ZNF778: variants seen among roughly 807,000 people sequenced by gnomAD.
ZNF778 encodes the protein zinc finger protein 778.
Under a neutral mutation model 23.9 loss-of-function variants are expected in ZNF778, and 37 were observed. The observed-to-expected ratio is 1.54, with a 90% CI of 1.19 to 2.03. The LOEUF is 2.03. ZNF778 is among the 30% of genes most tolerant of loss of function. The pLI, the probability that ZNF778 is intolerant of heterozygous loss-of-function variation, is 0.00. For synonymous variants in ZNF778, 483 were observed against 343.9 expected (o/e 1.40, Z -4.48); for missense variants, 1,297 against 934.4 (o/e 1.39, Z -5.06).
At position 89,227,842 on chromosome 16, in the gene ZNF778, A is replaced by G; in HGVS notation, c.1554A>G (p.Ser518=). ...KQCGKAFTGR[S]GLTKHMRTHT... is the part of the protein sequence containing the mutation. Reference sequence around the variant, plus strand: ...GTGGCAAAGCCTTCACAGGGCGCTCAGGCCTCACTAAACACATGCGGACAC... The same window carrying G: ...GTGGCAAAGCCTTCACAGGGCGCTCGGGCCTCACTAAACACATGCGGACAC... Residue 518 remains serine, a synonymous_variant, in exon 7 of 7, where the codon TCA becomes TCG. Transcript: ENST00000433976. The G allele has an allele frequency of 1.2e-6, 2 of 1,614,062 alleles. No homozygotes were observed. The highest frequency in any genetic ancestry group is 1.7e-6 in the Non-Finnish European group (2 of 1,179,998).
Position 89,229,503 on chromosome 16 carries a change from C to A in ZNF778, c.*941C>A. 5 of 967,614 alleles carry A rather than the reference C, an allele frequency of 5.2e-6. 1 individual carries two copies. The highest frequency in any genetic ancestry group is 6.1e-6 in the Non-Finnish European group (5 of 825,992). The allele number at this position is 967,614 out of a possible 1,614,324, so 59.9% of individuals were successfully genotyped here. ...GCTCTGGTTGGTTAGTCTTGAGGAT[C>A]CAGATGTGATTCTGTGAGCAGCATA... On this transcript the variant is annotated 3_prime_UTR_variant, in exon 7 of 7. Transcript: ENST00000433976.
At position 89,226,861 on chromosome 16, in the gene ZNF778, C is replaced by A; in HGVS notation, c.573C>A (p.Phe191Leu). The change falls in exon 7 of 7, where the codon TTC (phenylalanine) becomes TTA (leucine). Residue 191 changes from phenylalanine (F) to leucine (L), a missense_variant. By Grantham distance (22) the Phe-to-Leu change is conservative. Transcript: ENST00000433976. Reference sequence around the variant, plus strand: ...TTATTCCATGCCAGAAAACCTTGTTCAAAATTGGAGAGCAGTTTTCCGTGT... The same window carrying A: ...TTATTCCATGCCAGAAAACCTTGTTAAAAATTGGAGAGCAGTTTTCCGTGT... ...DFFIPCQKTL[F>L]KIGEQFSVLG... 1 of 1,614,002 alleles carries A rather than the reference C, an allele frequency of 6.2e-7. No homozygotes were observed. The highest frequency in any genetic ancestry group is 2.2e-5 in the East Asian group (1 of 44,884).
intron 1 of ZNF778, among the ~76,000 whole-genome samples, chr16:89,218,797 T>A (rs1352167750): frequency 1.1e-4 from 14 of 125,894 alleles, no homozygotes; most frequent in African/African-American, 3.0e-4. Context: ...TCTCAAAAAA[T>A]AATAATAATA....
intron 6 of ZNF778, among the ~76,000 whole-genome samples, chr16:89,226,394 G>C (rs748048651): frequency 6.6e-6 from 1 of 152,052 alleles, no homozygotes; most frequent in Non-Finnish European, 1.5e-5. Context: ...TAATAGAGAC[G>C]GGGTTTCTCC....
intron 4 of ZNF778, among the ~76,000 whole-genome samples, chr16:89,224,257 G>A (rs1357682591): frequency 6.6e-6 from 1 of 151,912 alleles, no homozygotes; most frequent in Admixed American, 6.5e-5. Flanking sequence ...GATGCTGGAC[G>A]CAGTGGCTCA....
In ZNF778 at chr16:89,229,510, T is replaced by G; in HGVS notation, c.*948T>G. Reference sequence around the variant, plus strand: ...TTGGTTAGTCTTGAGGATCCAGATGTGATTCTGTGAGCAGCATAGGCTCTG... The same window carrying G: ...TTGGTTAGTCTTGAGGATCCAGATGGGATTCTGTGAGCAGCATAGGCTCTG... On this transcript the variant is annotated 3_prime_UTR_variant, in exon 7 of 7. Transcript: ENST00000433976. 2.1e-6 allele frequency: 2 copies of G among 970,994 alleles called. No homozygotes were observed. Among genetic ancestry groups the G allele is most frequent in the Non-Finnish European group, 2.4e-6 (2 of 826,280 alleles). The allele number at this position is 970,994 out of a possible 1,614,324, so 60.1% of individuals were successfully genotyped here.
intron 6 of ZNF778, 118 bp downstream of exon 6, chr16:89,225,749 G>C (rs775582213): frequency 6.5e-6 from 6 of 927,880 alleles, no homozygotes; most frequent in Non-Finnish European, 9.8e-6. Flanking sequence ...TCAGGCAGGG[G>C]TTGTCTGTAG....
chr16:89,228,686 C>T lies in ZNF778; in HGVS notation c.*124C>T, dbSNP rs977289151. On this transcript the variant is annotated 3_prime_UTR_variant, in exon 7 of 7. Coordinates refer to ENST00000433976, the MANE Select transcript of ZNF778 (RefSeq NM_001201407.2). ...AGGCAATCAGCATCTCATCACAACC[C>T]GGCAGGCAGGAACTCACCCTGGAGC... 7.2e-5 allele frequency: 106 copies of T among 1,476,618 alleles called. No homozygotes were observed. The highest frequency in any genetic ancestry group is 8.2e-5 in the Non-Finnish European group (92 of 1,118,834). The allele number at this position is 1,476,618 out of a possible 1,614,324, so 91.5% of individuals were successfully genotyped here.
chr16:89,236,463 C>T lies in ZNF778; in HGVS notation c.*7901C>T, dbSNP rs1311557593. ...ATGAGGCAATACAAAGAATTGCCTG[C>T]AGACCTGGTTTAAATAAATGGTTAC... On this transcript the variant is annotated 3_prime_UTR_variant, in exon 7 of 7. Transcript: ENST00000433976. 1.3e-5 allele frequency: 2 copies of T among 152,158 alleles called. No homozygotes were observed. Among genetic ancestry groups the T allele is most frequent in the Non-Finnish European group, 2.9e-5 (2 of 68,030 alleles). 9.4% of individuals were successfully genotyped at this position (152,158 alleles called of 1,614,324 possible).
intron 3 of ZNF778, 86 bp from the exon 4 acceptor site, chr16:89,223,071 A>T: frequency 6.7e-7 from 1 of 1,495,934 alleles, no homozygotes; most frequent in Non-Finnish European, 9.0e-7. Context: ...TCACAGTCCC[A>T]TAGGCGTAGG....
chr16:89,232,630 T>C lies in ZNF778; in HGVS notation c.*4068T>C. 1 of 1,172,932 alleles carries C rather than the reference T, an allele frequency of 8.5e-7. No homozygotes were observed. The allele number at this position is 1,172,932 out of a possible 1,614,324, so 72.7% of individuals were successfully genotyped here. A position where few individuals can be genotyped will look rare whatever the true frequency, so the allele number is the denominator to read the frequency against. Reference sequence around the variant, plus strand: ...TAAGATAAAATATTAAAGGACCAATTGTATTAATTATGTTTTTTTTTTTTT... The same window carrying C: ...TAAGATAAAATATTAAAGGACCAATCGTATTAATTATGTTTTTTTTTTTTT... On this transcript the variant is annotated 3_prime_UTR_variant, in exon 7 of 7. Coordinates refer to ENST00000433976, the MANE Select transcript of ZNF778 (RefSeq NM_001201407.2).
chr16:89,232,584 A>G lies in ZNF778; in HGVS notation c.*4022A>G, dbSNP rs1291314068. 7.7e-6 allele frequency: 9 copies of G among 1,171,488 alleles called. No individual in the cohort carries two copies. The African/African-American group carries it at 1.1e-4, about 15-fold the overall frequency. The allele number at this position is 1,171,488 out of a possible 1,614,324, so 72.6% of individuals were successfully genotyped here. On this transcript the variant is annotated 3_prime_UTR_variant, in exon 7 of 7. Transcript: ENST00000433976. ...TCCTGTGTGAAAATCTCCACTCCCAATGTCTGAGGGTTCCTCAGAGTAAGA... is the reference window on the plus strand; with the variant it reads ...TCCTGTGTGAAAATCTCCACTCCCAGTGTCTGAGGGTTCCTCAGAGTAAGA...
chr16:89,220,378 C>T (rs1215337390), intron 1 of ZNF778, among the ~76,000 whole-genome samples: 2 of 152,096 alleles, frequency 1.3e-5, no homozygotes, highest in African/African-American at 2.4e-5. Flanking sequence ...GAGACCGGGG[C>T]GGGGCACGGT....
chr16:89,222,351 T>C (rs1232030898), intron 3 of ZNF778, among the ~76,000 whole-genome samples, 168 bp downstream of exon 3: 1 of 151,790 alleles, frequency 6.6e-6, no homozygotes, highest in African/African-American at 2.4e-5. Context: ...GTGAAAATCC[T>C]CCCCGTATTT....
At chr16:89,218,062 C>T (rs942653723) in intron 1 of ZNF778, among the ~76,000 whole-genome samples, 152 bp downstream of exon 1, 1 of 152,236 alleles carries the variant, frequency 6.6e-6, no homozygotes, top group African/African-American at 2.4e-5. Flanking sequence ...GCGTGCAGCT[C>T]CCTGTGAAAG....
In ZNF778 at chr16:89,222,828, G is replaced by A. The variant is rs559452242; in HGVS notation, c.118-329G>A. 1.2e-4 allele frequency among the ~76,000 whole-genome samples: 19 copies of A among 152,384 alleles called. No homozygotes were observed. In the East Asian group the frequency reaches 2.7e-3, roughly 22 times the overall value. On this transcript the variant is annotated intron_variant, in intron 3 of 6. Transcript: ENST00000433976. ...TGTGCTCAGGAGAGGGACATAAGGC[G>A]AGGGGAGTGCCCAGTGAGCGTGGTG...
chr16:89,222,610 C>T (rs896330439), intron 3 of ZNF778, among the ~76,000 whole-genome samples: 6 of 152,204 alleles, frequency 3.9e-5, no homozygotes, highest in Middle Eastern at 3.2e-3. Context: ...GTGATCCACC[C>T]GCTTTGGCCT....
chr16:89,220,927 A>T (rs1311339031), intron 1 of ZNF778, 70 bp from the exon 2 acceptor site: 3 of 589,926 alleles, frequency 5.1e-6, no homozygotes, highest in Non-Finnish European at 9.1e-6. Context: ...CACATATATC[A>T]TCTGCAGAAA....
rs74033444 is a variant in ZNF778, at chr16:89,230,115, C to A, written c.*1553C>A. On this transcript the variant is annotated 3_prime_UTR_variant, in exon 7 of 7. Coordinates refer to ENST00000433976, the MANE Select transcript of ZNF778 (RefSeq NM_001201407.2). ...CATGACCCACCTGTAGGGTCCCACA[C>A]TGGCCAATGTTGGGGCATAACACAG... 3 of 816,558 alleles carry A rather than the reference C, an allele frequency of 3.7e-6. No homozygotes were observed. The highest frequency in any genetic ancestry group is 1.9e-5 in the African/African-American group (1 of 53,638). The allele number at this position is 816,558 out of a possible 1,614,324, so 50.6% of individuals were successfully genotyped here.
Sources: allele counts gnomAD v4.1 joint callset (sites outside exome capture counted in the v4.1 genomes callset), GRCh38; gene constraint gnomAD v4.1.1; transcripts MANE v1.5; gene names NCBI Gene and HGNC (gene_info 2026-07-23, HGNC 2026-07-21).